UGGT2: variants seen among roughly 807,000 people sequenced by gnomAD.
UGGT2 encodes UDP-glucose glycoprotein glucosyltransferase 2, also known as UDP-glucose:glycoprotein glucosyltransferase 2.
In UGGT2, 180 loss-of-function variants were observed where a neutral mutation model predicts 192.1. The observed-to-expected ratio is 0.94, with a 90% CI of 0.83 to 1.06. The LOEUF (loss-of-function observed/expected upper bound fraction) is 1.06. UGGT2 is among the 50% of genes least tolerant of loss of function. The probability of loss-of-function intolerance (pLI) is 0.00; values close to 1 mark genes in which losing one functional copy is unlikely to be tolerated. For missense variants in UGGT2, 1,849 were observed against 1,795.7 expected, an observed-to-expected ratio of 1.03 and a Z score of -0.54; for synonymous variants, 580 against 591.0, an observed-to-expected ratio of 0.98 and a Z score of 0.27.
intron 36 of UGGT2, among the ~76,000 whole-genome samples, chr13:95,841,812 G>A (rs967948081): frequency 6.6e-6 from 1 of 151,976 alleles, no homozygotes; most frequent in Non-Finnish European, 1.5e-5. Flanking sequence ...AGAGTTTTAC[G>A]GTTTTAGTTC....
chr13:95,915,409 C>T (rs367992243), intron 20 of UGGT2, among the ~76,000 whole-genome samples: 3 of 152,172 alleles, frequency 2.0e-5, no homozygotes, highest in Admixed American at 6.5e-5. Flanking sequence ...TCCCTATGCA[C>T]GCTACCCCTG....
chr13:96,008,489 T>C (rs1314548921), intron 5 of UGGT2, among the ~76,000 whole-genome samples: 3 of 152,192 alleles, frequency 2.0e-5, no homozygotes, highest in African/African-American at 7.2e-5. Context: ...TCCCATAGTC[T>C]CTGCACAAAA....
intron 38 of UGGT2, among the ~76,000 whole-genome samples, chr13:95,832,351 A>C (rs1283029687): frequency 6.6e-6 from 1 of 152,154 alleles, no homozygotes; most frequent in Non-Finnish European, 1.5e-5. Context: ...AGCTTTAAAA[A>C]ATAAATTCAG....
At chr13:95,881,340 T>C (rs1346006786) in intron 27 of UGGT2, among the ~76,000 whole-genome samples, 1 of 152,188 alleles carries the variant, frequency 6.6e-6, no homozygotes, top group Non-Finnish European at 1.5e-5. Flanking sequence ...TTTTCAAGTT[T>C]GTTAAGGTTT....
chr13:95,897,970 G>A (rs1342070699), intron 22 of UGGT2, among the ~76,000 whole-genome samples: 1 of 151,902 alleles, frequency 6.6e-6, no homozygotes, highest in African/African-American at 2.4e-5. Context: ...CACTCATCCT[G>A]CAGCCTTCCT....
At chr13:96,007,824 G>T (rs1361727197) in intron 5 of UGGT2, among the ~76,000 whole-genome samples, 1 of 152,100 alleles carries the variant, frequency 6.6e-6, no homozygotes, top group Non-Finnish European at 1.5e-5. Context: ...CATGTTCATG[G>T]AAGAATTCAT....
At chr13:96,019,319 T>C (rs1330255095) in intron 4 of UGGT2, among the ~76,000 whole-genome samples, 1 of 152,160 alleles carries the variant, frequency 6.6e-6, no homozygotes, top group African/African-American at 2.4e-5. Context: ...TGGGCCCACA[T>C]TCCACAGGGA....
intron 10 of UGGT2, among the ~76,000 whole-genome samples, chr13:95,974,563 T>C (rs2050876957): frequency 1.3e-5 from 2 of 152,302 alleles, no homozygotes; most frequent in Middle Eastern, 3.4e-3. Flanking sequence ...GCTCAAACAC[T>C]GTCAGAGAGA....
chr13:96,040,707 A>T (rs532677422), intron 1 of UGGT2, among the ~76,000 whole-genome samples: 1 of 152,336 alleles, frequency 6.6e-6, no homozygotes, highest in Non-Finnish European at 1.5e-5. Flanking sequence ...AAGTCAAAAA[A>T]TCCTAAATTG....
intron 4 of UGGT2, among the ~76,000 whole-genome samples, chr13:96,018,429 C>A (rs1410433938): frequency 1.3e-5 from 2 of 152,052 alleles, no homozygotes; most frequent in Non-Finnish European, 1.5e-5. Context: ...GGCAGAAGTA[C>A]AACTTGAGCC....
chr13:95,993,040 T>A (rs2051504980), intron 7 of UGGT2, among the ~76,000 whole-genome samples: 1 of 152,090 alleles, frequency 6.6e-6, no homozygotes, highest in Non-Finnish European at 1.5e-5. Context: ...AATGGCAAAC[T>A]GGAAAAAGAC....
intron 5 of UGGT2, among the ~76,000 whole-genome samples, chr13:96,000,116 T>C (rs1566811319): frequency 6.6e-6 from 1 of 152,186 alleles, no homozygotes; most frequent in Non-Finnish European, 1.5e-5. Context: ...GCAACCATTA[T>C]CATTTGGCAC....
chr13:95,986,343 T>A lies in UGGT2; in HGVS notation c.1021A>T (p.Ile341Leu), dbSNP rs767709449. The change falls in exon 9 of 39, where the codon ATA (isoleucine) becomes TTA (leucine). Residue 341 changes from isoleucine to leucine, a missense_variant. By Grantham distance (5) the Ile-to-Leu change is conservative. Coordinates refer to ENST00000376747, the MANE Select transcript of UGGT2 (RefSeq NM_020121.4). ...TAAACTTTAACATACCTGGCTTTTA[T>A]GGGGAAGTTCTGTGAAATGTCTTTC... ...LMKDISQNFP[I>L]KARSLTRIAV... is the part of the protein sequence containing the mutation. The A allele has an allele frequency of 1.9e-6, 3 of 1,591,820 alleles. No homozygotes were observed. In the East Asian group the frequency reaches 6.7e-5, roughly 36 times the overall value.
At chr13:95,920,453 C>G (rs1005670851) in intron 20 of UGGT2, among the ~76,000 whole-genome samples, 2 of 152,124 alleles carry the variant, frequency 1.3e-5, no homozygotes, top group African/African-American at 4.8e-5. Context: ...ATCTATCCAT[C>G]TGACCAAGGT....
chr13:95,855,497 G>GT (rs555723276), intron 34 of UGGT2, among the ~76,000 whole-genome samples: 49,712 of 124,390 alleles, frequency 0.4, 9,445 homozygotes, highest in Middle Eastern at 0.45. Flanking sequence ...GGCCTTGGGT[G>GT]TTTTTTTTTT....
chr13:96,028,468 A>G (rs1740879445), intron 2 of UGGT2, among the ~76,000 whole-genome samples: 1 of 152,258 alleles, frequency 6.6e-6, no homozygotes, highest in African/African-American at 2.4e-5. Context: ...TTTGGAAATC[A>G]GATAAATCTT....
chr13:95,848,612 TG>T (rs1484183309), intron 36 of UGGT2, among the ~76,000 whole-genome samples: 1 of 152,216 alleles, frequency 6.6e-6, no homozygotes, highest in African/African-American at 2.4e-5. Context: ...GATTTATTTC[TG>T]GGCTCTCTAT....
intron 2 of UGGT2, among the ~76,000 whole-genome samples, chr13:96,028,923 A>ATCACGAGG (rs1250236039): frequency 6.6e-6 from 1 of 152,122 alleles, no homozygotes; most frequent in Non-Finnish European, 1.5e-5. Flanking sequence ...AGGTGGGCGG[A>ATCACGAGG]TCACGAGGTC....
At chr13:95,977,231 C>A (rs567587773) in intron 10 of UGGT2, among the ~76,000 whole-genome samples, 2 of 152,262 alleles carry the variant, frequency 1.3e-5, no homozygotes, top group South Asian at 2.1e-4. Flanking sequence ...AGCTTCTGCA[C>A]AGCAAAAGAA....
Sources: gnomAD v4.1 joint callset for allele counts (sites outside exome capture counted in the v4.1 genomes callset) on GRCh38, gnomAD v4.1.1 for gene constraint, MANE v1.5 for transcripts, NCBI Gene and HGNC (gene_info 2026-07-23, HGNC 2026-07-21) for gene names.